Variants in KIAA1210 observed in about 807,000 individuals in gnomAD.
KIAA1210 encodes acrosomal protein KIAA1210.
A neutral mutation model predicts 78.9 loss-of-function variants in KIAA1210; 48 were observed. The observed-to-expected ratio is 0.61, with a 90% CI of 0.48 to 0.77. The LOEUF is 0.77. KIAA1210 is among the 30% of genes least tolerant of loss of function. The probability of loss-of-function intolerance (pLI) is 0.00; values close to 1 mark genes in which losing one functional copy is unlikely to be tolerated. For synonymous variants in KIAA1210, 406 were observed against 404.5 expected, an observed-to-expected ratio of 1.00 and a Z score of -0.04; for missense variants, 1,108 against 1,100.0, an observed-to-expected ratio of 1.01 and a Z score of -0.10.
At chrX:119,111,018 A>T (rs1928054535) in intron 3 of KIAA1210, among the ~76,000 whole-genome samples, 2 of 111,140 alleles carry the variant, frequency 1.8e-5, no homozygotes, top group South Asian at 7.7e-4. Context: ...ACAAAGTTGG[A>T]TAACTTATAC....
chrX:119,092,487 T>C lies in KIAA1210; in HGVS notation c.955+1180A>G, dbSNP rs187117342. Among the ~76,000 whole-genome samples the C allele has an allele frequency of 1.7e-3, 187 of 112,081 alleles. No individual in the cohort carries two copies. In the South Asian group the frequency reaches 0.024, roughly 15 times the overall value. On this transcript the variant is annotated intron_variant, in intron 8 of 11. Transcript: ENST00000691062. ...TAAAAAATAAAGCTCAAAGGCTGGG[T>C]GCAGTGGCTCACGCCTGCAATCCCA...
intron 8 of KIAA1210, among the ~76,000 whole-genome samples, chrX:119,093,192 A>G (rs1927442079): frequency 8.9e-6 from 1 of 112,234 alleles, no homozygotes; most frequent in African/African-American, 3.2e-5. Context: ...CAATAGTATC[A>G]TTATTAACAC....
At chrX:119,109,032 G>A in intron 4 of KIAA1210, 44 bp downstream of exon 4, 1 of 1,196,294 alleles carries the variant, frequency 8.4e-7, no homozygotes, top group South Asian at 1.8e-5. Flanking sequence ...GGGAACAGAA[G>A]AGAAGTAGTC....
intron 6 of KIAA1210, among the ~76,000 whole-genome samples, chrX:119,100,577 A>C (rs929991929): frequency 7.2e-5 from 8 of 111,669 alleles, no homozygotes; most frequent in African/African-American, 2.6e-4. Context: ...CGTTCGTATA[A>C]ATCTAAGGGG....
chrX:119,102,545 TA>T (rs1260927128), intron 6 of KIAA1210, among the ~76,000 whole-genome samples: 97 of 101,851 alleles, frequency 9.5e-4, no homozygotes, highest in East Asian at 1.2e-3. Context: ...AAGATTGCTT[TA>T]AAAAAAAAAA....
In KIAA1210 at chrX:119,081,957, G is replaced by A. The variant is rs184864742; in HGVS notation, c.4427-453C>T. On this transcript the variant is annotated intron_variant, in intron 11 of 11. Transcript: ENST00000691062. ...ATTGATGACTTAATAGATGCACCCA[G>A]TAAAAGTTGATGATAAATAATATTG... 2.0e-3 allele frequency among the ~76,000 whole-genome samples: 222 copies of A among 112,312 alleles called. 1 individual carries two copies. Among genetic ancestry groups the A allele is most frequent in the South Asian group, 6.7e-3 (18 of 2,668 alleles).
At chrX:119,141,946 TA>T (rs1929058355) in intron 2 of KIAA1210, among the ~76,000 whole-genome samples, 1 of 112,732 alleles carries the variant, frequency 8.9e-6, no homozygotes, top group Admixed American at 9.4e-5. Context: ...CAGTAGTTTC[TA>T]AGCAGATATG....
rs767671314 is a variant in KIAA1210, at chrX:119,134,546, G to A, written c.411-10894C>T. On this transcript the variant is annotated intron_variant, in intron 2 of 13. Transcript: ENST00000402510. ...CTTTCTACATTCCACACCCTCACCT[G>A]TGGGTATTTGAACATCTGGATCATC... is the stretch of plus-strand genomic sequence containing the variant. Among the ~76,000 whole-genome samples the A allele has an allele frequency of 3.6e-5, 4 of 112,180 alleles. No homozygotes were observed. The South Asian group carries it at 1.1e-3, about 31-fold the overall frequency.
intron 2 of KIAA1210, among the ~76,000 whole-genome samples, chrX:119,139,586 T>C (rs768893277): frequency 4.5e-5 from 5 of 111,782 alleles, no homozygotes; most frequent in Non-Finnish European, 9.4e-5. Flanking sequence ...AAGGCTGTCC[T>C]CCCCGTGGTG....
intron 1 of KIAA1210, among the ~76,000 whole-genome samples, 88 bp downstream of exon 1, chrX:119,127,639 C>CT (rs1384669527): frequency 9.0e-6 from 1 of 111,582 alleles, no homozygotes; most frequent in East Asian, 2.8e-4. Context: ...CACAAATCTC[C>CT]CCTTGAGTTC....
chrX:119,150,329 A>G (rs1159009482), exon 1 of KIAA1210: 1 of 1,206,106 alleles, frequency 8.3e-7, no homozygotes, highest in Non-Finnish European at 1.1e-6. Flanking sequence ...TGTGCAGGGC[A>G]GGAAGCCCCG....
chrX:119,085,261 C>T, intron 10 of KIAA1210, 122 bp downstream of exon 10: 1 of 648,707 alleles, frequency 1.5e-6, no homozygotes, highest in Non-Finnish European at 2.4e-6. Flanking sequence ...AAGAGTCCTC[C>T]TGCCTTGATT....
intron 2 of KIAA1210, among the ~76,000 whole-genome samples, chrX:119,141,898 A>G (rs1346957352): frequency 8.9e-6 from 1 of 112,925 alleles, no homozygotes; most frequent in Non-Finnish European, 1.9e-5. Context: ...TATGAACATC[A>G]TAAGTCATCT....
intron 2 of KIAA1210, among the ~76,000 whole-genome samples, chrX:119,140,962 C>G (rs1236816582): frequency 8.9e-6 from 1 of 112,337 alleles, no homozygotes; most frequent in Non-Finnish European, 1.9e-5. Flanking sequence ...TTTCCGTTAA[C>G]AGGTTTCTGG....
intron 8 of KIAA1210, among the ~76,000 whole-genome samples, chrX:119,092,347 T>A (rs1310099915): frequency 8.9e-6 from 1 of 112,205 alleles, no homozygotes; most frequent in African/African-American, 3.2e-5. Flanking sequence ...CATACAGCGC[T>A]GATAATAGCT....
In KIAA1210 at chrX:119,081,289, A is replaced by G. The variant is rs753502463; in HGVS notation, c.*40T>C. On this transcript the variant is annotated 3_prime_UTR_variant, in exon 12 of 12. Coordinates refer to ENST00000691062, the MANE Select transcript of KIAA1210 (RefSeq NM_001394962.1). ...CTCAAAAAAAAAAAAAAAAAAAAAA[A>G]CTAAATAAAATAAATGCTGATGCTC... The G allele has an allele frequency of 1.2e-4, 105 of 861,527 alleles. No homozygotes were observed. Among genetic ancestry groups the G allele is most frequent in the Middle Eastern group, 3.5e-4 (1 of 2,822 alleles). 71.0% of individuals were successfully genotyped at this position (861,527 alleles called of 1,213,427 possible).
chrX:119,140,525 CTT>C (rs780260270), intron 2 of KIAA1210, among the ~76,000 whole-genome samples: 128 of 47,989 alleles, frequency 2.7e-3, no homozygotes, highest in African/African-American at 9.5e-3. Flanking sequence ...GAACAAGACT[CTT>C]TCTTAAAAAA....
Position 119,088,406 on chromosome X carries a change from C to T in KIAA1210, c.2296G>A (p.Val766Met), listed in dbSNP as rs375848015. The change falls in exon 9 of 12, where the codon GTG becomes ATG. Residue 766 changes from valine to methionine, a missense_variant. This residue lies in a region of KIAA1210 where 672 missense variants were observed against 607.1 expected (regional missense o/e 1.11). Coordinates refer to ENST00000691062, the MANE Select transcript of KIAA1210 (RefSeq NM_001394962.1). The part of the protein sequence containing the change: ...VGTSIKQSDS[V>M]EPIPPRHPFQ... ...GGGTGTCTTGGAGGGATTGGCTCCA[C>T]GGAATCGCTCTGTTTTATAGAAGTG... 6.9e-5 allele frequency: 84 copies of T among 1,209,241 alleles called. No homozygotes were observed. In the East Asian group the frequency reaches 8.9e-4, roughly 13 times the overall value.
At chrX:119,123,758 T>C (rs186118173) in intron 1 of KIAA1210, 106 bp from the exon 2 acceptor site, 4 of 492,133 alleles carry the variant, frequency 8.1e-6, no homozygotes, top group African/African-American at 7.3e-5. Flanking sequence ...ATTCTTAAAA[T>C]AGCCTAGAAA....
Sources: allele counts gnomAD v4.1 joint callset (sites outside exome capture counted in the v4.1 genomes callset), GRCh38; gene constraint gnomAD v4.1.1; regional missense constraint gnomAD v4.1.1; transcripts MANE v1.5; gene names NCBI Gene and HGNC (gene_info 2026-07-23, HGNC 2026-07-21).